The following TSPAN9 variants were observed in gnomAD, a reference collection of about 807,000 sequenced individuals.
TSPAN9 encodes tetraspanin-9.
TSPAN9 carries 16 observed loss-of-function variants against 31.0 expected under a neutral mutation model. The observed-to-expected ratio is 0.52, with a 90% CI of 0.35 to 0.78. The LOEUF (loss-of-function observed/expected upper bound fraction) is 0.78, where lower values mean the gene tolerates loss of function less well. TSPAN9 is among the 30% of genes least tolerant of loss of function. The probability of loss-of-function intolerance (pLI) is 0.01; values close to 1 mark genes in which losing one functional copy is unlikely to be tolerated. For missense variants in TSPAN9, 272 were observed against 312.5 expected, an observed-to-expected ratio of 0.87 and a Z score of 0.98; for synonymous variants, 145 against 121.6, an observed-to-expected ratio of 1.19 and a Z score of -1.27.
rs186975793 is a variant in TSPAN9, at chr12:3,218,685, C to T, written c.63+17429C>T. ...GAAGGCACCAGGAAGGCTAGCTACT[C>T]TAGCACTGGGGGCTGAGCCCGCTTG... On this transcript the variant is annotated intron_variant, in intron 3 of 8. Transcript: ENST00000011898. Among the ~76,000 whole-genome samples the T allele has an allele frequency of 1.2e-4, 19 of 152,350 alleles. No individual in the cohort carries two copies. In the East Asian group the frequency reaches 3.7e-3, roughly 29 times the overall value.
chr12:3,096,864 GT>G (rs564163794), intron 2 of TSPAN9, among the ~76,000 whole-genome samples: 11 of 151,738 alleles, frequency 7.2e-5, no homozygotes, highest in Non-Finnish European at 1.6e-4. Context: ...GGCTAATTTT[GT>G]TTTTTTGTAT....
intron 2 of TSPAN9, among the ~76,000 whole-genome samples, chr12:3,176,743 A>G (rs1198882474): frequency 6.6e-6 from 1 of 152,214 alleles, no homozygotes; most frequent in African/African-American, 2.4e-5. Context: ...AAAAACCGAA[A>G]GCAGCTCTCC....
rs1191463837 is a variant in TSPAN9, at chr12:3,170,392, T to C, written c.-17-30785T>C. 1.3e-5 allele frequency among the ~76,000 whole-genome samples: 2 copies of C among 152,212 alleles called. No individual in the cohort carries two copies. Among genetic ancestry groups the C allele is most frequent in the Non-Finnish European group, 2.9e-5 (2 of 68,048 alleles). On this transcript the variant is annotated intron_variant, in intron 2 of 8. Transcript: ENST00000011898. The surrounding 1 kb of genome is among the most constrained non-coding windows in gnomAD (Gnocchi z 4.4). ...TACGGCTAGCTTGCTCCAGATAGCA[T>C]GTAGCATAGGATTCCACATGTAATA...
intron 3 of TSPAN9, among the ~76,000 whole-genome samples, chr12:3,244,651 A>T (rs963935747): frequency 2.0e-5 from 3 of 152,078 alleles, no homozygotes; most frequent in African/African-American, 7.2e-5. Context: ...GTCCCACCAG[A>T]TGGCGATCCC....
chr12:3,194,311 CA>C (rs886227919), intron 2 of TSPAN9, among the ~76,000 whole-genome samples: 1 of 152,208 alleles, frequency 6.6e-6, no homozygotes, highest in African/African-American at 2.4e-5. Context: ...GACCTTTCTC[CA>C]GAGAGGGAGG....
At chr12:3,157,358 C>T (rs1334933416) in intron 2 of TSPAN9, among the ~76,000 whole-genome samples, 1 of 152,148 alleles carries the variant, frequency 6.6e-6, no homozygotes, top group Non-Finnish European at 1.5e-5. Context: ...ACCTCGGCCT[C>T]CCAAAGTGCT....
chr12:3,207,407 C>T (rs1449372041), intron 3 of TSPAN9, among the ~76,000 whole-genome samples: 4 of 152,166 alleles, frequency 2.6e-5, no homozygotes, highest in East Asian at 1.9e-4. Context: ...CCAGCTTTGT[C>T]TCTGCTCACA....
chr12:3,267,323 G>A (rs1057031745), intron 3 of TSPAN9, among the ~76,000 whole-genome samples: 1 of 152,184 alleles, frequency 6.6e-6, no homozygotes, highest in Non-Finnish European at 1.5e-5. Context: ...CTCGGCAGGC[G>A]GAACCCTGTT....
At chr12:3,230,676 G>A (rs2098390239) in intron 3 of TSPAN9, among the ~76,000 whole-genome samples, 1 of 152,012 alleles carries the variant, frequency 6.6e-6, no homozygotes, top group Non-Finnish European at 1.5e-5. Flanking sequence ...TCCCCACACT[G>A]CTCTGGGAAC....
At chr12:3,278,900 A>G in intron 4 of TSPAN9, 92 bp from the exon 5 acceptor site, 1 of 1,383,866 alleles carries the variant, frequency 7.2e-7, no homozygotes, top group Non-Finnish European at 1.0e-6. Context: ...GGGAAGCCCC[A>G]CCTAGGCGCC....
intron 2 of TSPAN9, among the ~76,000 whole-genome samples, chr12:3,111,178 A>C (rs1307414508): frequency 6.6e-6 from 1 of 152,224 alleles, no homozygotes; most frequent in Non-Finnish European, 1.5e-5. Context: ...TTTCTGGGCC[A>C]GAATACCTTT....
At chr12:3,216,906 G>A (rs2098381707) in intron 3 of TSPAN9, among the ~76,000 whole-genome samples, 1 of 152,194 alleles carries the variant, frequency 6.6e-6, no homozygotes. Context: ...CTGGGTCCTG[G>A]TGAAGGTCCA....
intron 2 of TSPAN9, among the ~76,000 whole-genome samples, chr12:3,184,452 A>T (rs924495235): frequency 6.6e-6 from 1 of 152,158 alleles, no homozygotes; most frequent in East Asian, 1.9e-4. Context: ...AGAGAGAAAG[A>T]GAAAGAGAAA....
chr12:3,135,115 C>T (rs2098331515), intron 2 of TSPAN9, among the ~76,000 whole-genome samples: 1 of 152,090 alleles, frequency 6.6e-6, no homozygotes, highest in Admixed American at 6.5e-5. Context: ...CAGGGTTTTG[C>T]TCTGTCACCC....
intron 3 of TSPAN9, among the ~76,000 whole-genome samples, chr12:3,268,929 C>T (rs1239726129): frequency 2.5e-5 from 3 of 118,766 alleles, no homozygotes; most frequent in Admixed American, 1.7e-4. Context: ...TGTGTTCCTG[C>T]AGCCTGCCCT....
chr12:3,123,436 C>G (rs1188635420), intron 2 of TSPAN9, among the ~76,000 whole-genome samples: 1 of 152,172 alleles, frequency 6.6e-6, no homozygotes, highest in African/African-American at 2.4e-5. Flanking sequence ...CCAAGCCTGG[C>G]ATTGCCAGAC....
At chr12:3,134,089 G>A (rs2098331019) in intron 2 of TSPAN9, among the ~76,000 whole-genome samples, 1 of 152,178 alleles carries the variant, frequency 6.6e-6, no homozygotes, top group Non-Finnish European at 1.5e-5. Flanking sequence ...CTCCAGGCTG[G>A]TGCTTTGCTT....
intron 2 of TSPAN9, among the ~76,000 whole-genome samples, chr12:3,114,212 C>T (rs146836518): frequency 5.9e-5 from 9 of 152,312 alleles, no homozygotes; most frequent in Non-Finnish European, 1.0e-4. Flanking sequence ...GCAGACACTA[C>T]GTAAATGAAT....
rs553260585 is a variant in TSPAN9 at position 3,234,976 on chromosome 12, C to T, written c.63+33720C>T. ...GAGATCGAGACCATCCTGGCTAACA[C>T]GGTGAAACCCCATCTCTACTAAAAA... On this transcript the variant is annotated intron_variant, in intron 3 of 8. Coordinates refer to ENST00000011898, the MANE Select transcript of TSPAN9 (RefSeq NM_006675.5). 3.7e-4 allele frequency among the ~76,000 whole-genome samples: 55 copies of T among 147,396 alleles called. No homozygotes were observed. In the South Asian group the frequency reaches 8.2e-3, roughly 22 times the overall value.
Sources: gnomAD v4.1 joint callset for allele counts (sites outside exome capture counted in the v4.1 genomes callset) on GRCh38, gnomAD v4.1.1 for gene constraint, Gnocchi (gnomAD v3.1) non-coding constraint, MANE v1.5 for transcripts, NCBI Gene and HGNC (gene_info 2026-07-23, HGNC 2026-07-21) for gene names.